Variants in NPAS3 observed in about 807,000 individuals in gnomAD.
NPAS3 encodes the protein neuronal PAS domain protein 3.
Under a neutral mutation model 73.1 loss-of-function variants are expected in NPAS3, and 14 were observed. That is an observed-to-expected ratio of 0.19 (90% confidence interval 0.13 to 0.30). NPAS3 has a LOEUF of 0.30. Ranked by LOEUF, NPAS3 falls within the 10% of genes least tolerant of loss-of-function variation. The probability of loss-of-function intolerance (pLI) is 1.00; values close to 1 mark genes in which losing one functional copy is unlikely to be tolerated. For synonymous variants in NPAS3, 620 were observed against 541.5 expected (o/e 1.14, Z -2.01); for missense variants, 1,096 against 1,250.0 (o/e 0.88, Z 1.86).
chr14:33,520,379 G>C (rs1219349045), intron 4 of NPAS3, among the ~76,000 whole-genome samples: 1 of 152,056 alleles, frequency 6.6e-6, no homozygotes, highest in Non-Finnish European at 1.5e-5. Flanking sequence ...TCTGAGTTTG[G>C]TTGTTTTGTT....
rs544166132 is a variant in NPAS3, at chr14:33,206,723, T to C, written c.141-8459T>C. 2.6e-5 allele frequency among the ~76,000 whole-genome samples: 4 copies of C among 152,324 alleles called. No individual in the cohort carries two copies. In the East Asian group the frequency reaches 7.7e-4, roughly 29 times the overall value. On this transcript the variant is annotated intron_variant, in intron 2 of 11. Coordinates refer to ENST00000356141, the Ensembl canonical transcript of NPAS3. ...GTTCCATGATGTTCTTTGATGGTGC[T>C]GTATACTGTTGAAAAAGCAGAAATA...
chr14:33,745,924 T>G (rs115082422), intron 7 of NPAS3, among the ~76,000 whole-genome samples: 1 of 152,178 alleles, frequency 6.6e-6, no homozygotes, highest in Non-Finnish European at 1.5e-5. Context: ...AAGACTAATA[T>G]AGCCCTTAAT....
intron 2 of NPAS3, among the ~76,000 whole-genome samples, chr14:33,153,258 T>G (rs1206774467): frequency 5.3e-5 from 8 of 152,100 alleles, no homozygotes; most frequent in Non-Finnish European, 1.2e-4. Context: ...GTTAGAGAGT[T>G]TTTCAGCTGT....
intron 3 of NPAS3, among the ~76,000 whole-genome samples, chr14:33,259,292 A>AT (rs1425074579): frequency 2.5e-4 from 37 of 150,860 alleles, no homozygotes; most frequent in Admixed American, 5.9e-4. Flanking sequence ...CGTCCATTTT[A>AT]TTTTTTTTTC....
intron 2 of NPAS3, among the ~76,000 whole-genome samples, chr14:33,060,735 T>C (rs2041068734): frequency 6.6e-6 from 1 of 152,150 alleles, no homozygotes; most frequent in South Asian, 2.1e-4. Flanking sequence ...GCAGATCAGG[T>C]GTTGTTAGCT....
At chr14:33,802,924 C>T (rs1408736008), downstream of NPAS3, 1 of 152,176 alleles carries the variant, frequency 6.6e-6, no homozygotes, top group African/African-American at 2.4e-5. Flanking sequence ...TCATTCCTTC[C>T]CCATCCCCAA....
intron 2 of NPAS3, among the ~76,000 whole-genome samples, chr14:33,145,935 A>C (rs779602304): frequency 3.9e-5 from 6 of 152,140 alleles, no homozygotes; most frequent in Non-Finnish European, 8.8e-5. Flanking sequence ...AAATAACTTA[A>C]AGAAGAATGA....
At chr14:33,661,840 C>T (rs909136786) in intron 5 of NPAS3, among the ~76,000 whole-genome samples, 1 of 152,128 alleles carries the variant, frequency 6.6e-6, no homozygotes, top group Non-Finnish European at 1.5e-5. Flanking sequence ...TTGATTGACT[C>T]TTAATCCAAT....
intron 1 of NPAS3, among the ~76,000 whole-genome samples, chr14:33,041,413 A>G (rs910887680): frequency 2.6e-5 from 4 of 152,192 alleles, no homozygotes; most frequent in South Asian, 2.1e-4. Flanking sequence ...GATGATGACA[A>G]TTTCTTCAAC....
chr14:33,162,455 A>G (rs1277590335), intron 2 of NPAS3, among the ~76,000 whole-genome samples: 2 of 152,180 alleles, frequency 1.3e-5, no homozygotes, highest in Non-Finnish European at 1.5e-5. Context: ...CTTAGAATTA[A>G]TAAGGACTAA....
At chr14:33,519,376 G>A (rs2053456305) in intron 4 of NPAS3, among the ~76,000 whole-genome samples, 1 of 151,970 alleles carries the variant, frequency 6.6e-6, no homozygotes, top group Non-Finnish European at 1.5e-5. Flanking sequence ...CTGGGACTCT[G>A]CTTATGCTCT....
intron 2 of NPAS3, among the ~76,000 whole-genome samples, chr14:33,135,948 C>G (rs2043814601): frequency 1.3e-5 from 2 of 152,048 alleles, no homozygotes; most frequent in East Asian, 1.9e-4. Context: ...TGGTTTTCCA[C>G]TGGACACAAT....
chr14:33,386,472 G>A (rs908573609), intron 4 of NPAS3, among the ~76,000 whole-genome samples: 2 of 150,940 alleles, frequency 1.3e-5, no homozygotes, highest in African/African-American at 2.4e-5. Context: ...GCAGATGTAT[G>A]TACTGGGGTC....
intron 2 of NPAS3, among the ~76,000 whole-genome samples, chr14:33,144,421 G>C (rs143805223): frequency 1.3e-5 from 2 of 152,262 alleles, no homozygotes; most frequent in East Asian, 3.9e-4. Context: ...ATATACTTTT[G>C]TAACGTTTTC....
intron 2 of NPAS3, among the ~76,000 whole-genome samples, chr14:33,097,910 A>G (rs1309898391): frequency 1.3e-5 from 2 of 152,116 alleles, no homozygotes; most frequent in African/African-American, 4.8e-5. Context: ...AGATCTTTTT[A>G]TACTTTTGAG....
Position 33,628,824 on chromosome 14 carries a change from G to A in NPAS3, c.559-47387G>A, listed in dbSNP as rs531923189. 3.9e-5 allele frequency among the ~76,000 whole-genome samples: 6 copies of A among 152,288 alleles called. No individual in the cohort carries two copies. In the East Asian group the frequency reaches 5.8e-4, roughly 15 times the overall value. On this transcript the variant is annotated intron_variant, in intron 5 of 11. Coordinates refer to ENST00000356141, the Ensembl canonical transcript of NPAS3. The stretch of plus-strand genomic sequence containing the variant: ...TAAGAAAACGATACAATTTTCTCAC[G>A]TAATGAAATAGAAAGAAACAAGATC...
At chr14:32,958,673 G>A (rs1034399400) in intron 1 of NPAS3, among the ~76,000 whole-genome samples, 5 of 152,146 alleles carry the variant, frequency 3.3e-5, no homozygotes, top group African/African-American at 1.2e-4. Context: ...ATACAGCTGT[G>A]TATTGTCCAT....
intron 6 of NPAS3, among the ~76,000 whole-genome samples, chr14:33,684,050 A>ATT (rs2060016196): frequency 1.3e-5 from 2 of 152,172 alleles, no homozygotes; most frequent in Non-Finnish European, 2.9e-5. Flanking sequence ...GGCCAAGATT[A>ATT]GAGGAAAGGG....
chr14:33,600,046 T>A (rs2057354037), intron 5 of NPAS3, among the ~76,000 whole-genome samples: 3 of 152,192 alleles, frequency 2.0e-5, no homozygotes, highest in Admixed American at 2.0e-4. Context: ...GCCCAGGCAC[T>A]AGAGTTCCTC....
Sources: allele counts gnomAD v4.1 joint callset (sites outside exome capture counted in the v4.1 genomes callset), GRCh38; gene constraint gnomAD v4.1.1; transcripts MANE v1.5; gene names NCBI Gene and HGNC (gene_info 2026-07-23, HGNC 2026-07-21).